The following ANKRD44 variants were observed in gnomAD, a reference collection of about 807,000 sequenced individuals.
ANKRD44 encodes ankyrin repeat domain 44, also known as serine/threonine-protein phosphatase 6 regulatory ankyrin repeat subunit B.
ANKRD44 carries 35 observed loss-of-function variants against 116.0 expected under a neutral mutation model. The observed-to-expected ratio is 0.30, with a 90% CI of 0.23 to 0.40. The LOEUF is 0.40. Among genes scored for constraint, ANKRD44 ranks in the 10% least tolerant of loss-of-function variants. The pLI is 1.00. For missense variants in ANKRD44, 1,014 were observed against 1,242.6 expected (o/e 0.82, Z 2.77); for synonymous variants, 435 against 461.8 (o/e 0.94, Z 0.74).
chr2:197,038,663 T>C (rs2076851757), intron 16 of ANKRD44, among the ~76,000 whole-genome samples: 1 of 152,244 alleles, frequency 6.6e-6, no homozygotes, highest in East Asian at 1.9e-4. Context: ...TTTCTGGTTG[T>C]AGAATACCTA....
At chr2:197,123,956 G>A (rs2078917911) in intron 6 of ANKRD44, among the ~76,000 whole-genome samples, 1 of 152,056 alleles carries the variant, frequency 6.6e-6, no homozygotes, top group African/African-American at 2.4e-5. Context: ...ACAATGATTT[G>A]ATTTCTTTAG....
At chr2:197,194,272 G>A (rs1352584504) in intron 1 of ANKRD44, among the ~76,000 whole-genome samples, 2 of 152,170 alleles carry the variant, frequency 1.3e-5, no homozygotes, top group Non-Finnish European at 2.9e-5. Flanking sequence ...GTACTCAGAA[G>A]TCTAATCTAT....
chr2:197,074,650 A>G lies in ANKRD44; in HGVS notation c.1650+4053T>C, dbSNP rs1033956749. Among the ~76,000 whole-genome samples the G allele has an allele frequency of 2.6e-5, 4 of 152,004 alleles. No homozygotes were observed. The South Asian group carries it at 8.3e-4, about 32-fold the overall frequency. On this transcript the variant is annotated intron_variant, in intron 16 of 27. Transcript: ENST00000282272. The stretch of plus-strand genomic sequence containing the variant: ...CATCACCATACCTGGCTAATTTTAA[A>G]AATACTTTTGTAGAGACAAGGTCTT...
chr2:197,140,845 T>C (rs1316873710), intron 3 of ANKRD44, among the ~76,000 whole-genome samples: 2 of 152,182 alleles, frequency 1.3e-5, no homozygotes, highest in Non-Finnish European at 2.9e-5. Flanking sequence ...TGTTTGTATA[T>C]GTCCAAACTC....
intron 1 of ANKRD44, among the ~76,000 whole-genome samples, chr2:197,253,825 G>A (rs1035588990): frequency 3.9e-5 from 6 of 152,162 alleles, no homozygotes; most frequent in Non-Finnish European, 7.3e-5. Context: ...ACAGACAGGC[G>A]ACTCTATGTG....
At chr2:197,084,451 T>C (rs1461993046) in intron 13 of ANKRD44, among the ~76,000 whole-genome samples, 1 of 152,196 alleles carries the variant, frequency 6.6e-6, no homozygotes, top group Non-Finnish European at 1.5e-5. Context: ...TTAGCACTGG[T>C]GTATTGTCTC....
At chr2:197,253,449 C>T (rs1314765892) in intron 1 of ANKRD44, among the ~76,000 whole-genome samples, 8 of 152,106 alleles carry the variant, frequency 5.3e-5, no homozygotes, top group Admixed American at 2.0e-4. Context: ...TACACACACA[C>T]GTACATATTC....
intron 1 of ANKRD44, among the ~76,000 whole-genome samples, chr2:197,231,692 G>A (rs1206204141): frequency 6.6e-6 from 1 of 151,646 alleles, no homozygotes; most frequent in African/African-American, 2.4e-5. Context: ...TGATGCACAG[G>A]GCAGCCCCCA....
At chr2:197,007,684 T>C in intron 20 of ANKRD44, 122 bp downstream of exon 20, 2 of 710,690 alleles carry the variant, frequency 2.8e-6, no homozygotes, top group Non-Finnish European at 4.8e-6. Flanking sequence ...TAGGAAACAA[T>C]TTTTGCTAAA....
At chr2:196,990,614 T>C in intron 27 of ANKRD44, 2 of 1,231,556 alleles carry the variant, frequency 1.6e-6, no homozygotes, top group Non-Finnish European at 2.0e-6. Context: ...AACATAAACC[T>C]GGAATTCAAG....
chr2:196,990,590 T>C, intron 27 of ANKRD44: 1 of 1,230,836 alleles, frequency 8.1e-7, no homozygotes, highest in African/African-American at 1.6e-5. Flanking sequence ...AGGCCCCAAA[T>C]AATACTTGAA....
chr2:197,111,455 A>G (rs2078563518), intron 8 of ANKRD44, among the ~76,000 whole-genome samples: 1 of 152,146 alleles, frequency 6.6e-6, no homozygotes, highest in Admixed American at 6.5e-5. Context: ...CCCGGCCAAC[A>G]TGGTGAAACC....
intron 1 of ANKRD44, among the ~76,000 whole-genome samples, chr2:197,257,310 T>G (rs139643504): frequency 0.014 from 2,108 of 152,142 alleles, 16 homozygotes; most frequent in Non-Finnish European, 0.019. Flanking sequence ...CAGTTTGGTA[T>G]GACAGTAGTT....
At chr2:197,177,452 T>C (rs1255853571) in intron 2 of ANKRD44, among the ~76,000 whole-genome samples, 2 of 152,172 alleles carry the variant, frequency 1.3e-5, no homozygotes, top group Non-Finnish European at 2.9e-5. Flanking sequence ...CTTGTCACCG[T>C]GAGTAGTAAG....
At chr2:197,019,010 A>G (rs180710052) in intron 17 of ANKRD44, among the ~76,000 whole-genome samples, 2 of 152,322 alleles carry the variant, frequency 1.3e-5, no homozygotes, top group East Asian at 3.9e-4. Flanking sequence ...TTTAGGTGCC[A>G]TCTTACAATT....
chr2:197,004,321 C>CT (rs1178353578), intron 21 of ANKRD44, among the ~76,000 whole-genome samples: 2 of 152,014 alleles, frequency 1.3e-5, no homozygotes, highest in Non-Finnish European at 2.9e-5. Context: ...CTCAAAATCT[C>CT]TAAGTGGAAA....
intron 16 of ANKRD44, among the ~76,000 whole-genome samples, chr2:197,061,305 C>T (rs2077306819): frequency 6.6e-6 from 1 of 152,164 alleles, no homozygotes; most frequent in South Asian, 2.1e-4. Flanking sequence ...GCCGAACTCC[C>T]ATAAGCTCAG....
chr2:197,128,982 A>C (rs115875546), intron 4 of ANKRD44, among the ~76,000 whole-genome samples: 6,304 of 152,230 alleles, frequency 0.041, 156 homozygotes, highest in Middle Eastern at 0.078. Flanking sequence ...TAATTATTTT[A>C]TTATTAAAGT....
At chr2:197,063,348 G>A (rs1179586864) in intron 16 of ANKRD44, among the ~76,000 whole-genome samples, 3 of 152,132 alleles carry the variant, frequency 2.0e-5, no homozygotes, top group South Asian at 2.1e-4. Context: ...CCACAAAGAT[G>A]GGGAAAAAAC....
Sources: allele counts gnomAD v4.1 joint callset (sites outside exome capture counted in the v4.1 genomes callset), GRCh38; gene constraint gnomAD v4.1.1; transcripts MANE v1.5; gene names NCBI Gene and HGNC (gene_info 2026-07-23, HGNC 2026-07-21).